RPS6KC1: variants seen among roughly 807,000 people sequenced by gnomAD.
The protein encoded by RPS6KC1 is inactive ribosomal protein S6 kinase delta-1.
A neutral mutation model predicts 103.8 loss-of-function variants in RPS6KC1; 54 were observed. The ratio of observed to expected loss-of-function variants is 0.52; its 90% CI spans 0.42 to 0.65. The LOEUF is 0.65. Ranked by LOEUF, RPS6KC1 falls within the 30% of genes least tolerant of loss-of-function variation. RPS6KC1 has a pLI of 0.00. For missense variants in RPS6KC1, 1,151 were observed against 1,253.8 expected (o/e 0.92, Z 1.24); for synonymous variants, 439 against 438.7 (o/e 1.00, Z -0.01).
At chr1:213,778,959 C>T in the RPS6KC1 span, among the ~76,000 whole-genome samples, 958 of 152,258 alleles carry the variant, frequency 6.3e-3, 9 homozygotes, top group Non-Finnish European at 7.2e-3. Flanking sequence ...TTCCCAAGCA[C>T]ACCAATGTTT....
chr1:213,386,083 G>A, the RPS6KC1 span, among the ~76,000 whole-genome samples: 2 of 152,194 alleles, frequency 1.3e-5, no homozygotes, highest in African/African-American at 4.8e-5. Flanking sequence ...CCTCATGAAT[G>A]GCTTGGTGCT....
the RPS6KC1 span, among the ~76,000 whole-genome samples, chr1:213,360,872 G>A: frequency 5.3e-5 from 8 of 152,324 alleles, no homozygotes; most frequent in South Asian, 4.1e-4. Context: ...GCAGAACAGC[G>A]AATATTGCTG....
At chr1:213,212,965 T>C (rs2093555768) in intron 8 of RPS6KC1, among the ~76,000 whole-genome samples, 1 of 152,206 alleles carries the variant, frequency 6.6e-6, no homozygotes, top group Non-Finnish European at 1.5e-5. Flanking sequence ...TGGCTAATGG[T>C]CCATTATCAG....
the RPS6KC1 span, among the ~76,000 whole-genome samples, chr1:213,361,459 G>T: frequency 1.3e-5 from 2 of 152,364 alleles, no homozygotes; most frequent in Non-Finnish European, 2.9e-5. Context: ...CTCTGTCCCA[G>T]CTTTGCTTGG....
chr1:213,740,677 C>A, the RPS6KC1 span, among the ~76,000 whole-genome samples: 74 of 149,296 alleles, frequency 5.0e-4, no homozygotes, highest in African/African-American at 3.8e-4. Flanking sequence ...ACATATATAT[C>A]TCTCAGATAT....
At chr1:213,803,139 C>G in the RPS6KC1 span, among the ~76,000 whole-genome samples, 1 of 149,458 alleles carries the variant, frequency 6.7e-6, no homozygotes, top group Non-Finnish European at 1.5e-5. Flanking sequence ...AGGCTTGATT[C>G]TATATGACTA....
the RPS6KC1 span, among the ~76,000 whole-genome samples, chr1:213,622,524 C>T: frequency 6.6e-6 from 1 of 152,140 alleles, no homozygotes; most frequent in African/African-American, 2.4e-5. Flanking sequence ...CCCTCCATCC[C>T]TGCCCCTCCC....
chr1:213,811,500 T>C, the RPS6KC1 span, among the ~76,000 whole-genome samples: 1 of 152,202 alleles, frequency 6.6e-6, no homozygotes, highest in Non-Finnish European at 1.5e-5. Context: ...AAACAGAATG[T>C]GGCAAAGATC....
the RPS6KC1 span, among the ~76,000 whole-genome samples, chr1:213,496,495 C>A: frequency 6.6e-6 from 1 of 152,164 alleles, no homozygotes; most frequent in Non-Finnish European, 1.5e-5. Flanking sequence ...TGGTGACTCA[C>A]TCCCGTAATC....
chr1:213,382,333 T>C, the RPS6KC1 span, among the ~76,000 whole-genome samples: 1 of 152,338 alleles, frequency 6.6e-6, no homozygotes, highest in East Asian at 1.9e-4. Flanking sequence ...AGCCTCCTTC[T>C]CTGGCATGTT....
chr1:213,301,692 CATTTACTTATTT>C, the RPS6KC1 span, among the ~76,000 whole-genome samples: 2 of 141,986 alleles, frequency 1.4e-5, no homozygotes, highest in Non-Finnish European at 1.5e-5. Context: ...GAGCAAGACC[CATTTACTTATTT>C]ATTTATTTAT....
At chr1:213,071,808 C>CT (rs1163870585) in intron 2 of RPS6KC1, among the ~76,000 whole-genome samples, 2 of 149,032 alleles carry the variant, frequency 1.3e-5, no homozygotes, top group African/African-American at 2.6e-5. Context: ...ATAGATATTT[C>CT]TTTTTTTTTA....
the RPS6KC1 span, among the ~76,000 whole-genome samples, chr1:213,813,823 A>G: frequency 6.6e-6 from 1 of 152,204 alleles, no homozygotes; most frequent in Admixed American, 6.5e-5. Flanking sequence ...CTGGGAGTCC[A>G]TAGCATAGGA....
chr1:213,328,539 T>TATATATATA, the RPS6KC1 span, among the ~76,000 whole-genome samples: 1 of 130,730 alleles, frequency 7.6e-6, no homozygotes, highest in South Asian at 2.5e-4. Context: ...TATATATATA[T>TATATATATA]ATCACACACA....
chr1:213,159,642 CAT>C (rs1319020510), intron 6 of RPS6KC1, among the ~76,000 whole-genome samples: 2 of 152,164 alleles, frequency 1.3e-5, no homozygotes, highest in Admixed American at 6.5e-5. Flanking sequence ...ACAGGAAAGT[CAT>C]ATGGAAAATA....
chr1:213,086,125 G>T (rs1339191797), intron 3 of RPS6KC1, among the ~76,000 whole-genome samples: 4 of 152,118 alleles, frequency 2.6e-5, no homozygotes, highest in African/African-American at 9.7e-5. Flanking sequence ...TGCTTTGTCA[G>T]ATCTCCTTTT....
At chr1:213,379,716 C>A in the RPS6KC1 span, among the ~76,000 whole-genome samples, 1 of 152,196 alleles carries the variant, frequency 6.6e-6, no homozygotes, top group Non-Finnish European at 1.5e-5. Context: ...GGGTATCCTG[C>A]AGGCAACTGG....
At chr1:213,550,931 G>C in the RPS6KC1 span, among the ~76,000 whole-genome samples, 1 of 152,288 alleles carries the variant, frequency 6.6e-6, no homozygotes, top group Non-Finnish European at 1.5e-5. Context: ...CTGTTCCCGG[G>C]TTTCCTGCTA....
intron 8 of RPS6KC1, among the ~76,000 whole-genome samples, chr1:213,195,974 C>G (rs2092931955): frequency 6.6e-6 from 1 of 152,022 alleles, no homozygotes; most frequent in Admixed American, 6.5e-5. Context: ...ATAATGACTT[C>G]TTTTCCTCTG....
Sources: gnomAD v4.1 joint callset for allele counts (sites outside exome capture counted in the v4.1 genomes callset) on GRCh38, gnomAD v4.1.1 for gene constraint, MANE v1.5 for transcripts, NCBI Gene and HGNC (gene_info 2026-07-23, HGNC 2026-07-21) for gene names.